The following NCOA1 variants were observed in gnomAD, a reference collection of about 807,000 sequenced individuals.
NCOA1 encodes the protein nuclear receptor coactivator 1, also known as Hin-2 protein.
Under a neutral mutation model 150.9 loss-of-function variants are expected in NCOA1, and 35 were observed. The observed-to-expected ratio is 0.23, with a 90% CI of 0.18 to 0.31. NCOA1 has a LOEUF of 0.31. Among genes scored for constraint, NCOA1 ranks in the 10% least tolerant of loss-of-function variants. The probability of loss-of-function intolerance (pLI) is 1.00; values close to 1 mark genes in which losing one functional copy is unlikely to be tolerated. For synonymous variants in NCOA1, 590 were observed against 630.0 expected (o/e 0.94, Z 0.95); for missense variants, 1,491 against 1,749.3 (o/e 0.85, Z 2.63).
At chr2:24,582,171 CTGTT>C (rs1410742793) in intron 2 of NCOA1, among the ~76,000 whole-genome samples, 2 of 152,180 alleles carry the variant, frequency 1.3e-5, no homozygotes, top group East Asian at 3.8e-4. Context: ...CAAATTGTCT[CTGTT>C]TGCAGATGAC....
chr2:24,604,781 A>G (rs902274495), intron 3 of NCOA1, among the ~76,000 whole-genome samples: 2 of 152,198 alleles, frequency 1.3e-5, no homozygotes, highest in Non-Finnish European at 2.9e-5. Context: ...CTGGAGTAGC[A>G]CTTTAAATTT....
At chr2:24,514,535 G>A (rs1053306542) in intron 1 of NCOA1, among the ~76,000 whole-genome samples, 2 of 151,980 alleles carry the variant, frequency 1.3e-5, no homozygotes, top group African/African-American at 4.8e-5. Context: ...AGGTGTGGTA[G>A]CTCACAACCG....
chr2:24,760,248 T>A (rs1193766909), intron 21 of NCOA1, among the ~76,000 whole-genome samples: 1 of 149,642 alleles, frequency 6.7e-6, no homozygotes, highest in Non-Finnish European at 1.5e-5. Context: ...CAACCGATTC[T>A]CCTGCTTCAG....
At chr2:24,520,917 T>TGTTTAGCCAAACTAGCAA (rs1664391198) in intron 1 of NCOA1, among the ~76,000 whole-genome samples, 2 of 151,856 alleles carry the variant, frequency 1.3e-5, no homozygotes, top group Non-Finnish European at 2.9e-5. Context: ...CCTTGCTCAT[T>TGTTTAGCCAAACTAGCAA]CTTTGCTGTT....
At chr2:24,549,984 A>G (rs1030959470) in intron 1 of NCOA1, among the ~76,000 whole-genome samples, 1 of 152,132 alleles carries the variant, frequency 6.6e-6, no homozygotes, top group African/African-American at 2.4e-5. Flanking sequence ...CTGAAGTTCA[A>G]ATTTCCACAA....
chr2:24,679,515 ATATT>A (rs1216757235), intron 7 of NCOA1, among the ~76,000 whole-genome samples: 2 of 152,218 alleles, frequency 1.3e-5, no homozygotes, highest in Non-Finnish European at 2.9e-5. Context: ...TTATAAGTAT[ATATT>A]TATAATACAA....
At chr2:24,670,899 A>C (rs1454797945) in intron 6 of NCOA1, among the ~76,000 whole-genome samples, 1 of 152,230 alleles carries the variant, frequency 6.6e-6, no homozygotes, top group Non-Finnish European at 1.5e-5. Context: ...ATAGGTTTGC[A>C]AAAATTAAAA....
chr2:24,540,912 G>T (rs1665365999), intron 1 of NCOA1, among the ~76,000 whole-genome samples: 1 of 152,156 alleles, frequency 6.6e-6, no homozygotes, highest in Non-Finnish European at 1.5e-5. Flanking sequence ...CTATTCTTAG[G>T]TTTCTTGATT....
chr2:24,765,176 C>CAA (rs60481361), intron 22 of NCOA1, among the ~76,000 whole-genome samples: 3 of 138,212 alleles, frequency 2.2e-5, no homozygotes, highest in African/African-American at 2.7e-5. Context: ...TACTTCGACT[C>CAA]AAAAAAAAAA....
At chr2:24,682,016 G>A (rs925903259) in intron 7 of NCOA1, among the ~76,000 whole-genome samples, 1 of 152,050 alleles carries the variant, frequency 6.6e-6, no homozygotes, top group African/African-American at 2.4e-5. Flanking sequence ...GCCCGGCCCC[G>A]TGGCCTTTTT....
intron 1 of NCOA1, among the ~76,000 whole-genome samples, chr2:24,501,915 G>A (rs1179631739): frequency 6.6e-6 from 1 of 152,122 alleles, no homozygotes; most frequent in African/African-American, 2.4e-5. Flanking sequence ...CTCTTGCCAA[G>A]TTTGATGGAT....
chr2:24,515,396 C>G (rs920522002), intron 1 of NCOA1, among the ~76,000 whole-genome samples: 2 of 151,888 alleles, frequency 1.3e-5, no homozygotes, highest in Non-Finnish European at 2.9e-5. Context: ...CCATGCCCAG[C>G]TAATATTTTA....
chr2:24,759,600 G>C (rs1664673407), intron 21 of NCOA1, among the ~76,000 whole-genome samples: 1 of 152,104 alleles, frequency 6.6e-6, no homozygotes, highest in South Asian at 2.1e-4. Flanking sequence ...ATTCGTATCA[G>C]CAACCACAAA....
At chr2:24,767,172 G>A (rs1410506149) in intron 22 of NCOA1, among the ~76,000 whole-genome samples, 1 of 152,156 alleles carries the variant, frequency 6.6e-6, no homozygotes, top group African/African-American at 2.4e-5. Flanking sequence ...ACTTTTACTC[G>A]ATTAGGATAG....
At chr2:24,626,097 G>A (rs1388195184) in intron 3 of NCOA1, among the ~76,000 whole-genome samples, 1 of 152,142 alleles carries the variant, frequency 6.6e-6, no homozygotes, top group Non-Finnish European at 1.5e-5. Context: ...TGGTGAGAGA[G>A]GGGCATTAAA....
At chr2:24,761,531 G>A (rs1183946711) in intron 21 of NCOA1, among the ~76,000 whole-genome samples, 1 of 151,980 alleles carries the variant, frequency 6.6e-6, no homozygotes, top group East Asian at 1.9e-4. Flanking sequence ...TAAACAAATG[G>A]AATATGGTTA....
At chr2:24,626,245 A>C (rs1052332285) in intron 3 of NCOA1, among the ~76,000 whole-genome samples, 12 of 152,198 alleles carry the variant, frequency 7.9e-5, no homozygotes, top group African/African-American at 2.9e-4. Flanking sequence ...TTCTTTATGG[A>C]AAGGCACTGT....
chr2:24,636,340 TTATAAA>T (rs576748935), intron 3 of NCOA1, among the ~76,000 whole-genome samples: 256 of 152,312 alleles, frequency 1.7e-3, no homozygotes, highest in Non-Finnish European at 2.9e-3. Flanking sequence ...TTTGATGCTA[TTATAAA>T]TAAAATTGTT....
At chr2:24,635,077 T>C (rs1669881521) in intron 3 of NCOA1, among the ~76,000 whole-genome samples, 1 of 152,090 alleles carries the variant, frequency 6.6e-6, no homozygotes, top group African/African-American at 2.4e-5. Context: ...GTAATAACCA[T>C]GTAATAATTA....
Sources: allele counts gnomAD v4.1 joint callset (sites outside exome capture counted in the v4.1 genomes callset), GRCh38; gene constraint gnomAD v4.1.1; transcripts MANE v1.5; gene names NCBI Gene and HGNC (gene_info 2026-07-23, HGNC 2026-07-21).